The following CEP85L variants were observed in gnomAD, a reference collection of about 807,000 sequenced individuals.
CEP85L encodes the protein centrosomal protein of 85 kDa-like.
Under a neutral mutation model 100.3 loss-of-function variants are expected in CEP85L, and 60 were observed. The ratio of observed to expected loss-of-function variants is 0.60; its 90% CI spans 0.49 to 0.74. The LOEUF is 0.74. Ranked by LOEUF, CEP85L falls within the 30% of genes least tolerant of loss-of-function variation. The pLI, the probability that CEP85L is intolerant of heterozygous loss-of-function variation, is 0.00. For synonymous variants in CEP85L, 319 were observed against 322.7 expected, an observed-to-expected ratio of 0.99 and a Z score of 0.12; for missense variants, 973 against 936.2, an observed-to-expected ratio of 1.04 and a Z score of -0.51.
chr6:118,529,194 A>G (rs1457760757), intron 3 of CEP85L, among the ~76,000 whole-genome samples: 1 of 152,214 alleles, frequency 6.6e-6, no homozygotes, highest in Admixed American at 6.5e-5. Context: ...AAAACTGTCA[A>G]TTTAATGTGT....
intron 2 of CEP85L, among the ~76,000 whole-genome samples, chr6:118,587,699 T>A (rs1386889664): frequency 6.6e-6 from 1 of 152,206 alleles, no homozygotes; most frequent in Non-Finnish European, 1.5e-5. Context: ...ACATCTGGAC[T>A]GACACCCCTT....
intron 2 of CEP85L, among the ~76,000 whole-genome samples, chr6:118,611,285 T>TA (rs558374972): frequency 2.2e-4 from 34 of 151,892 alleles, no homozygotes; most frequent in Admixed American, 5.2e-4. Context: ...CTCAAAGTGG[T>TA]AAAAAAAATC....
chr6:118,611,321 A>T (rs1772598280), intron 2 of CEP85L, among the ~76,000 whole-genome samples: 1 of 152,176 alleles, frequency 6.6e-6, no homozygotes, highest in African/African-American at 2.4e-5. Flanking sequence ...ATATGTATAT[A>T]TAATATACCA....
chr6:118,483,456 G>A (rs560417474), intron 7 of CEP85L, among the ~76,000 whole-genome samples: 1 of 152,096 alleles, frequency 6.6e-6, no homozygotes, highest in Admixed American at 6.6e-5. Context: ...GAGGTTGGCA[G>A]ACTGGTTTAG....
chr6:118,666,401 G>A (rs1306986986), intron 1 of CEP85L, among the ~76,000 whole-genome samples: 2 of 152,220 alleles, frequency 1.3e-5, no homozygotes, highest in Non-Finnish European at 2.9e-5. Flanking sequence ...AAAAGGGTCA[G>A]AGCCTGAATT....
At chr6:118,590,150 C>CT (rs1781103306) in intron 2 of CEP85L, among the ~76,000 whole-genome samples, 1 of 152,144 alleles carries the variant, frequency 6.6e-6, no homozygotes, top group Non-Finnish European at 1.5e-5. Flanking sequence ...CCCCCTCACT[C>CT]TGTTTCCTGT....
rs556815019 is a variant in CEP85L, at chr6:118,566,439, A to C, written c.233-123T>G. On this transcript the variant is annotated intron_variant, in intron 2 of 12. Coordinates refer to ENST00000368491, the MANE Select transcript of CEP85L (RefSeq NM_001042475.3). Reference sequence around the variant, plus strand: ...CATAGCACAAGCTTTTTTTTTTGAGACGTAGTTTTAGCTTGTTGCCTAGGC... The same window carrying C: ...CATAGCACAAGCTTTTTTTTTTGAGCCGTAGTTTTAGCTTGTTGCCTAGGC... 7.0e-6 allele frequency: 6 copies of C among 852,572 alleles called. No individual in the cohort carries two copies. In the South Asian group the frequency reaches 9.2e-5, roughly 13 times the overall value. 52.8% of individuals were successfully genotyped at this position (852,572 alleles called of 1,614,324 possible). A position where few individuals can be genotyped will look rare whatever the true frequency, so the allele number is the denominator to read the frequency against.
rs1381491013 is a variant in CEP85L at position 118,462,036 on chromosome 6, TTAA to T, written c.*3366_*3368del. On this transcript the variant is annotated 3_prime_UTR_variant, in exon 13 of 13. Transcript: ENST00000368491. ...TCCTTTAAAAACATCCTCTAAGAAA[TTAA>T]TAATTCTTGCACTATGAAAGAATTA... The T allele has an allele frequency of 6.6e-6, 1 of 152,042 alleles. No individual in the cohort carries two copies. Among genetic ancestry groups the T allele is most frequent in the African/African-American group, 2.4e-5 (1 of 41,446 alleles). The allele number at this position is 152,042 out of a possible 1,614,324, so 9.4% of individuals were successfully genotyped here.
At chr6:118,493,111 T>G (rs983993769) in intron 5 of CEP85L, among the ~76,000 whole-genome samples, 2 of 152,094 alleles carry the variant, frequency 1.3e-5, no homozygotes, top group Non-Finnish European at 2.9e-5. Flanking sequence ...CATGAAGACA[T>G]TGAGCGAATG....
chr6:118,472,734 A>G (rs1316803603), intron 10 of CEP85L, among the ~76,000 whole-genome samples: 1 of 152,176 alleles, frequency 6.6e-6, no homozygotes, highest in Non-Finnish European at 1.5e-5. Flanking sequence ...GAATTTTACA[A>G]TAACTATTTA....
intron 3 of CEP85L, among the ~76,000 whole-genome samples, chr6:118,558,660 C>CACACACAG (rs1318088942): frequency 4.9e-5 from 6 of 122,216 alleles, no homozygotes; most frequent in African/African-American, 1.6e-4. Flanking sequence ...CACACACACA[C>CACACACAG]AGAGAGAGAG....
chr6:118,517,863 G>A (rs944079113), intron 4 of CEP85L, among the ~76,000 whole-genome samples: 2 of 152,124 alleles, frequency 1.3e-5, no homozygotes, highest in Non-Finnish European at 2.9e-5. Context: ...TATGATATTG[G>A]CGGTGGGTTT....
chr6:118,651,721 G>C (rs1329229518), upstream of CEP85L: 2 of 934,730 alleles, frequency 2.1e-6, no homozygotes, highest in African/African-American at 3.6e-5. Context: ...TGCGGGGGGC[G>C]GGTGAGCTAC....
At chr6:118,673,983 C>G (rs1339146379) in intron 1 of CEP85L, among the ~76,000 whole-genome samples, 3 of 152,100 alleles carry the variant, frequency 2.0e-5, no homozygotes, top group African/African-American at 7.2e-5. Context: ...AACATTACAC[C>G]ATATGCACAC....
At chr6:118,481,306 A>C (rs990425243) in intron 8 of CEP85L, among the ~76,000 whole-genome samples, 2 of 151,392 alleles carry the variant, frequency 1.3e-5, no homozygotes, top group Admixed American at 1.3e-4. Context: ...CATTTGTATG[A>C]GTTTTTATTT....
intron 1 of CEP85L, among the ~76,000 whole-genome samples, chr6:118,643,791 T>C (rs1775021926): frequency 6.6e-6 from 1 of 152,172 alleles, no homozygotes; most frequent in Non-Finnish European, 1.5e-5. Flanking sequence ...TAAAGTCTGG[T>C]TCCCTGATTG....
intron 2 of CEP85L, chr6:118,589,458 C>A (rs920272570): frequency 3.0e-5 from 8 of 265,888 alleles, no homozygotes; most frequent in Non-Finnish European, 2.4e-5. Flanking sequence ...CCAGAAACAT[C>A]TGGCTCACAA....
chr6:118,557,067 G>T (rs941978448), intron 3 of CEP85L, among the ~76,000 whole-genome samples: 1 of 152,116 alleles, frequency 6.6e-6, no homozygotes, highest in Admixed American at 6.5e-5. Flanking sequence ...TAATTACTAT[G>T]TGTTCCAAGC....
chr6:118,686,736 G>C (rs1776846564), intron 1 of CEP85L, among the ~76,000 whole-genome samples: 1 of 152,190 alleles, frequency 6.6e-6, no homozygotes, highest in African/African-American at 2.4e-5. Flanking sequence ...ACGTAACTAA[G>C]AGATCCACCT....
Sources: allele counts gnomAD v4.1 joint callset (sites outside exome capture counted in the v4.1 genomes callset), GRCh38; gene constraint gnomAD v4.1.1; transcripts MANE v1.5; gene names NCBI Gene and HGNC (gene_info 2026-07-23, HGNC 2026-07-21).